MSR1: variants seen among roughly 807,000 people sequenced by gnomAD.
MSR1 encodes macrophage scavenger receptor 1.
In MSR1, 53 loss-of-function variants were observed where a neutral mutation model predicts 47.2. That is an observed-to-expected ratio of 1.12 (90% confidence interval 0.90 to 1.41). The LOEUF (loss-of-function observed/expected upper bound fraction) is 1.41. Among genes scored for constraint, MSR1 ranks in the 40% most tolerant of loss-of-function variants. The pLI is 0.00. For missense variants in MSR1, 786 were observed against 546.9 expected, an observed-to-expected ratio of 1.44 and a Z score of -4.36; for synonymous variants, 239 against 185.6, an observed-to-expected ratio of 1.29 and a Z score of -2.34.
intron 8 of MSR1, among the ~76,000 whole-genome samples, chr8:16,134,884 AT>A (rs1800352711): frequency 6.6e-6 from 1 of 152,218 alleles, no homozygotes; most frequent in Non-Finnish European, 1.5e-5. Context: ...CAAAATAACC[AT>A]GACACTCACT....
intron 5 of MSR1, among the ~76,000 whole-genome samples, chr8:16,156,118 G>A (rs574106682): frequency 6.6e-6 from 1 of 152,000 alleles, no homozygotes; most frequent in South Asian, 2.1e-4. Flanking sequence ...CTAAAGAAGA[G>A]CACTTAGTTT....
chr8:16,185,905 G>C (rs964714370), intron 1 of MSR1, among the ~76,000 whole-genome samples: 3 of 150,176 alleles, frequency 2.0e-5, no homozygotes, highest in Admixed American at 6.6e-5. Flanking sequence ...CAGTGGGTGA[G>C]TAGAGGAAGA....
intron 1 of MSR1, among the ~76,000 whole-genome samples, chr8:16,182,679 C>G (rs1257541667): frequency 6.6e-6 from 1 of 152,020 alleles, no homozygotes; most frequent in Non-Finnish European, 1.5e-5. Context: ...TCTTCCCCTC[C>G]ATATCTTCTC....
chr8:16,188,411 C>T (rs1355733790), intron 1 of MSR1, among the ~76,000 whole-genome samples: 1 of 152,032 alleles, frequency 6.6e-6, no homozygotes, highest in East Asian at 1.9e-4. Context: ...TAGTTCATAT[C>T]ATCATGCACG....
intron 1 of MSR1, among the ~76,000 whole-genome samples, chr8:16,188,561 G>C (rs1034192714): frequency 2.0e-5 from 3 of 151,876 alleles, no homozygotes; most frequent in African/African-American, 4.8e-5. Flanking sequence ...TGCTACATTG[G>C]TATACATATG....
intron 8 of MSR1, chr8:16,139,958 A>G: frequency 2.4e-6 from 1 of 413,598 alleles, no homozygotes; most frequent in African/African-American, 2.2e-5. Context: ...TATAGCTTAG[A>G]TGTATTGTAA....
intron 8 of MSR1, among the ~76,000 whole-genome samples, chr8:16,125,268 G>C (rs1055443522): frequency 2.6e-5 from 4 of 152,108 alleles, no homozygotes; most frequent in Non-Finnish European, 4.4e-5. Context: ...GAATCTGCTT[G>C]ACAAGGCCAC....
intron 5 of MSR1, among the ~76,000 whole-genome samples, chr8:16,160,077 T>G (rs1801120842): frequency 6.6e-6 from 1 of 151,940 alleles, no homozygotes; most frequent in Non-Finnish European, 1.5e-5. Context: ...AGACCTTGAG[T>G]GCTACAGGCA....
At chr8:16,166,003 C>G (rs1025116933) in intron 4 of MSR1, among the ~76,000 whole-genome samples, 10 of 152,030 alleles carry the variant, frequency 6.6e-5, no homozygotes. Context: ...GATAAATACA[C>G]TTGACTTAAT....
rs762285160 is a variant in MSR1 at position 16,110,166 on chromosome 8, A to G, written c.1275T>C (p.Ser425=). The part of the protein sequence containing the change: ...NEVFCFGRES[S]IEECKIRQWG... ...ATTGCCGAATTTTACATTCTTCAATAGATGATTCTCTCCCAAAACAAAACA... is the reference window on the plus strand; with the variant it reads ...ATTGCCGAATTTTACATTCTTCAATGGATGATTCTCTCCCAAAACAAAACA... The change falls in exon 10 of 10, where the codon TCT becomes TCC. Residue 425 remains serine (S), a synonymous_variant. Coordinates refer to ENST00000262101, the MANE Select transcript of MSR1 (RefSeq NM_138715.3). 5 of 1,613,684 alleles carry G rather than the reference A, an allele frequency of 3.1e-6. No individual in the cohort carries two copies. The highest frequency in any genetic ancestry group is 4.2e-6 in the Non-Finnish European group (5 of 1,179,674).
At chr8:16,190,723 C>CTTTTTTTTTTTTTTTTTTTTTTTTTTT (rs772816603) in intron 1 of MSR1, among the ~76,000 whole-genome samples, 4 of 145,302 alleles carry the variant, frequency 2.8e-5, no homozygotes, top group African/African-American at 8.1e-5. Flanking sequence ...TTTTTTCTTT[C>CTTTTTTTTTTTTTTTTTTTTTTTTTTT]TTTCTTTTTG....
At chr8:16,174,143 G>A (rs370468981) in intron 3 of MSR1, among the ~76,000 whole-genome samples, 3 of 152,124 alleles carry the variant, frequency 2.0e-5, no homozygotes, top group African/African-American at 7.2e-5. Flanking sequence ...TTGTAAGGGT[G>A]TATTATTGTT....
At chr8:16,140,379 C>T (rs1463488053) in intron 8 of MSR1, 23 of 985,200 alleles carry the variant, frequency 2.3e-5, no homozygotes, top group Non-Finnish European at 2.8e-5. Flanking sequence ...GAGCTGATTC[C>T]TCAGTAAAAA....
At chr8:16,141,100 C>T (rs1800545687) in intron 8 of MSR1, 1 of 1,600,144 alleles carries the variant, frequency 6.2e-7, no homozygotes, top group East Asian at 2.2e-5. Context: ...TTCAGAAAGC[C>T]TTACAAAATT....
At chr8:16,116,450 A>G (rs1799877666) in intron 9 of MSR1, among the ~76,000 whole-genome samples, 1 of 152,166 alleles carries the variant, frequency 6.6e-6, no homozygotes, top group African/African-American at 2.4e-5. Context: ...GACAATGTAT[A>G]GAATCACCAA....
intron 4 of MSR1, among the ~76,000 whole-genome samples, chr8:16,167,580 C>G (rs564963376): frequency 1.3e-5 from 2 of 152,064 alleles, no homozygotes; most frequent in East Asian, 1.9e-4. Context: ...CAAAAACATT[C>G]CATGGTCTCT....
In MSR1 at chr8:16,110,188, A is replaced by C; in HGVS notation, c.1253T>G (p.Phe418Cys). ...AATAGATGATTCTCTCCCAAAACAA[A>C]ACACTTCATTCAGCCATATTGGACC... The part of the protein sequence containing the change: ...GTGPIWLNEV[F>C]CFGRESSIEE... Residue 418 changes from phenylalanine (F) to cysteine (C), a missense_variant, in exon 10 of 10, where the codon TTT (phenylalanine) becomes TGT (cysteine). By Grantham distance (205) the Phe-to-Cys change is radical. Transcript: ENST00000262101. 1.2e-6 allele frequency: 2 copies of C among 1,613,614 alleles called. No homozygotes were observed. Among genetic ancestry groups the C allele is most frequent in the Non-Finnish European group, 1.7e-6 (2 of 1,179,664 alleles).
intron 9 of MSR1, among the ~76,000 whole-genome samples, chr8:16,120,202 C>T (rs551195123): frequency 2.0e-5 from 3 of 151,848 alleles, no homozygotes; most frequent in Admixed American, 6.6e-5. Flanking sequence ...ACGGTGAAAC[C>T]CCATCTCTAC....
At chr8:16,161,144 G>A (rs1233805403) in intron 5 of MSR1, among the ~76,000 whole-genome samples, 2 of 151,164 alleles carry the variant, frequency 1.3e-5, no homozygotes, top group Admixed American at 6.6e-5. Flanking sequence ...TTGAATTAGA[G>A]TAGTAGTAGA....
Sources: allele counts gnomAD v4.1 joint callset (sites outside exome capture counted in the v4.1 genomes callset), GRCh38; gene constraint gnomAD v4.1.1; transcripts MANE v1.5; gene names NCBI Gene and HGNC (gene_info 2026-07-23, HGNC 2026-07-21).